The following EPHA3 variants were observed in gnomAD, a reference collection of about 807,000 sequenced individuals.
EPHA3 encodes ephrin type-A receptor 3.
Under a neutral mutation model 107.1 loss-of-function variants are expected in EPHA3, and 42 were observed. That is an observed-to-expected ratio of 0.39 (90% CI 0.31 to 0.51). EPHA3 has a LOEUF of 0.51. Among genes scored for constraint, EPHA3 ranks in the 20% least tolerant of loss-of-function variants. EPHA3 has a pLI of 0.78. For missense variants in EPHA3, 1,183 were observed against 1,211.2 expected (o/e 0.98, Z 0.35); for synonymous variants, 461 against 424.8 (o/e 1.09, Z -1.05).
intron 3 of EPHA3, among the ~76,000 whole-genome samples, chr3:89,274,726 C>T (rs4449340): frequency 0.51 from 76,862 of 151,732 alleles, 20,681 homozygotes; most frequent in African/African-American, 0.69. Flanking sequence ...CAAAGTTTTC[C>T]GCACTTTTGG....
chr3:89,191,565 C>T (rs1705718333), intron 2 of EPHA3, among the ~76,000 whole-genome samples: 2 of 152,020 alleles, frequency 1.3e-5, no homozygotes, highest in Admixed American at 1.3e-4. Context: ...TTTAAACCAC[C>T]CAGTCTGTGG....
At chr3:89,139,149 T>C (rs564532110) in intron 2 of EPHA3, among the ~76,000 whole-genome samples, 160 of 151,922 alleles carry the variant, frequency 1.1e-3, no homozygotes, top group African/African-American at 3.7e-3. Flanking sequence ...AGACCAAGAA[T>C]CCAGCAATCG....
chr3:89,194,398 G>T (rs1263432063), intron 2 of EPHA3, among the ~76,000 whole-genome samples: 3 of 151,950 alleles, frequency 2.0e-5, no homozygotes, highest in African/African-American at 7.2e-5. Flanking sequence ...CAGAAACAAT[G>T]TGGTTTATTG....
At chr3:89,391,684 C>T (rs1483257012) in intron 5 of EPHA3, among the ~76,000 whole-genome samples, 2 of 151,850 alleles carry the variant, frequency 1.3e-5, no homozygotes, top group Admixed American at 6.6e-5. Flanking sequence ...CCGCCCGCCT[C>T]GGCCTCCCAA....
At chr3:89,405,676 T>C (rs1030214156) in intron 7 of EPHA3, among the ~76,000 whole-genome samples, 1 of 152,144 alleles carries the variant, frequency 6.6e-6, no homozygotes, top group Non-Finnish European at 1.5e-5. Flanking sequence ...CTGAAGATGA[T>C]ATGTTGGCTC....
intron 13 of EPHA3, among the ~76,000 whole-genome samples, chr3:89,448,071 C>T (rs1376859358): frequency 1.3e-5 from 2 of 152,112 alleles, no homozygotes; most frequent in Non-Finnish European, 2.9e-5. Flanking sequence ...ATTGAGGTCA[C>T]TTAATTCATA....
At chr3:89,274,305 C>G (rs1357045940) in intron 3 of EPHA3, among the ~76,000 whole-genome samples, 1 of 151,878 alleles carries the variant, frequency 6.6e-6, no homozygotes, top group African/African-American at 2.4e-5. Context: ...CAAAAAAAAT[C>G]ATTCCATCTC....
chr3:89,139,829 T>C (rs772171094), intron 2 of EPHA3, among the ~76,000 whole-genome samples: 3 of 151,660 alleles, frequency 2.0e-5, no homozygotes, highest in Non-Finnish European at 2.9e-5. Flanking sequence ...CTGTGCACAG[T>C]GACAAAGAAG....
intron 2 of EPHA3, among the ~76,000 whole-genome samples, chr3:89,208,623 AAG>A (rs879360715): frequency 0.011 from 1,610 of 143,254 alleles, 22 homozygotes; most frequent in Non-Finnish European, 0.018. Context: ...GGAAGGAAGG[AAG>A]GGAAGATTCC....
chr3:89,246,120 CTT>C (rs1705026101), intron 3 of EPHA3, among the ~76,000 whole-genome samples: 1 of 151,950 alleles, frequency 6.6e-6, no homozygotes, highest in South Asian at 2.1e-4. Context: ...GAGATAGTGA[CTT>C]ATATTTCACA....
At chr3:89,281,981 T>C (rs150495618) in intron 3 of EPHA3, among the ~76,000 whole-genome samples, 546 of 152,330 alleles carry the variant, frequency 3.6e-3, no homozygotes, top group African/African-American at 0.013. Context: ...ATTTATCTGA[T>C]AAAATTATGA....
At chr3:89,136,329 G>GCTTTTTTTTT (rs1704309288) in intron 2 of EPHA3, among the ~76,000 whole-genome samples, 1 of 23,870 alleles carries the variant, frequency 4.2e-5, no homozygotes, top group Non-Finnish European at 8.6e-5. Flanking sequence ...AATCTTACAG[G>GCTTTTTTTTT]CTTTTTTTTT....
At chr3:89,267,636 C>G (rs1342099909) in intron 3 of EPHA3, among the ~76,000 whole-genome samples, 1 of 152,172 alleles carries the variant, frequency 6.6e-6, no homozygotes, top group African/African-American at 2.4e-5. Context: ...GGAAATATTG[C>G]TGTTTAGCTA....
chr3:89,287,796 C>A (rs560946279), intron 3 of EPHA3, among the ~76,000 whole-genome samples: 16 of 152,078 alleles, frequency 1.1e-4, no homozygotes, highest in African/African-American at 3.6e-4. Flanking sequence ...GATATTGACC[C>A]AAATAAGTGC....
At chr3:89,402,238 A>G (rs573393970) in intron 7 of EPHA3, among the ~76,000 whole-genome samples, 11 of 152,326 alleles carry the variant, frequency 7.2e-5, no homozygotes, top group African/African-American at 2.4e-4. Flanking sequence ...TTTAGGAAAT[A>G]TCTCATTCGA....
chr3:89,289,666 GTAA>G (rs1461055586), intron 3 of EPHA3, among the ~76,000 whole-genome samples: 1 of 151,986 alleles, frequency 6.6e-6, no homozygotes, highest in African/African-American at 2.4e-5. Context: ...CCAGTGACAG[GTAA>G]TAACTCAGAG....
intron 11 of EPHA3, among the ~76,000 whole-genome samples, chr3:89,419,929 G>A (rs1576368969): frequency 6.6e-6 from 1 of 151,358 alleles, no homozygotes; most frequent in Admixed American, 6.6e-5. Flanking sequence ...ATTTTAAATA[G>A]TTCTGATCTA....
At chr3:89,406,474 A>T (rs151027243) in intron 7 of EPHA3, among the ~76,000 whole-genome samples, 1 of 152,280 alleles carries the variant, frequency 6.6e-6, no homozygotes, top group Admixed American at 6.5e-5. Context: ...TATTGCTGCT[A>T]CTCAACTTGC....
At chr3:89,145,514 A>G (rs1704535968) in intron 2 of EPHA3, among the ~76,000 whole-genome samples, 1 of 151,774 alleles carries the variant, frequency 6.6e-6, no homozygotes, top group Non-Finnish European at 1.5e-5. Flanking sequence ...TCTTTGAAAG[A>G]TCTTATCTTG....
Sources: allele counts gnomAD v4.1 joint callset (sites outside exome capture counted in the v4.1 genomes callset), GRCh38; gene constraint gnomAD v4.1.1; transcripts MANE v1.5; gene names NCBI Gene and HGNC (gene_info 2026-07-23, HGNC 2026-07-21).